Variants in SSUH2 observed in about 807,000 individuals in gnomAD.
The protein encoded by SSUH2 is protein SSUH2 homolog.
A neutral mutation model predicts 55.3 loss-of-function variants in SSUH2; 47 were observed. The ratio of observed to expected loss-of-function variants is 0.85; its 90% CI spans 0.67 to 1.08. The LOEUF (loss-of-function observed/expected upper bound fraction) is 1.08, where lower values mean the gene tolerates loss of function less well. Among genes scored for constraint, SSUH2 ranks in the 50% least tolerant of loss-of-function variants. The pLI, the probability that SSUH2 is intolerant of heterozygous loss-of-function variation, is 0.00. For missense variants in SSUH2, 535 were observed against 490.7 expected (o/e 1.09, Z -0.85); for synonymous variants, 212 against 191.5 (o/e 1.11, Z -0.89).
At chr3:8,677,761 C>A (rs149670180) in intron 2 of SSUH2, among the ~76,000 whole-genome samples, 1,574 of 150,772 alleles carry the variant, frequency 0.01, 82 homozygotes, top group African/African-American at 0.036. Context: ...AATAAGCTGA[C>A]TCTTGGGCAA....
intron 3 of SSUH2, among the ~76,000 whole-genome samples, chr3:8,672,528 G>A (rs1450126472): frequency 1.3e-5 from 2 of 152,008 alleles, no homozygotes; most frequent in Non-Finnish European, 2.9e-5. Flanking sequence ...TACACCCCCT[G>A]CCATATTGGG....
At chr3:8,626,684 G>C (rs1462993030) in intron 8 of SSUH2, among the ~76,000 whole-genome samples, 2 of 152,166 alleles carry the variant, frequency 1.3e-5, no homozygotes, top group Non-Finnish European at 2.9e-5. Context: ...GTCCCAGGAT[G>C]TTTGTCGGGA....
At chr3:8,646,092 T>C (rs1268412826), upstream of SSUH2, among the ~76,000 whole-genome samples, 2 of 152,182 alleles carry the variant, frequency 1.3e-5, no homozygotes, top group Admixed American at 1.3e-4. Context: ...GAAGCAATGA[T>C]TTTAAGCCCT....
chr3:8,636,084 G>A (rs1435772269), intron 1 of SSUH2, among the ~76,000 whole-genome samples: 1 of 152,148 alleles, frequency 6.6e-6, no homozygotes, highest in Admixed American at 6.5e-5. Flanking sequence ...TATTTGCTGG[G>A]TACCTACTCC....
intron 11 of SSUH2, among the ~76,000 whole-genome samples, chr3:8,621,812 A>G (rs1444030868): frequency 1.3e-5 from 2 of 152,234 alleles, no homozygotes; most frequent in Admixed American, 6.5e-5. Context: ...AAAGGGCACA[A>G]GGAGATGGGA....
chr3:8,659,085 G>C (rs1339973686), intron 6 of SSUH2: 1 of 152,052 alleles, frequency 6.6e-6, no homozygotes, highest in African/African-American at 2.4e-5. Context: ...AATCAGCAAG[G>C]GTGAAATTCT....
chr3:8,664,695 C>G (rs1478070308), intron 5 of SSUH2, among the ~76,000 whole-genome samples: 1 of 152,206 alleles, frequency 6.6e-6, no homozygotes, highest in African/African-American at 2.4e-5. Context: ...GCTCCCAGCT[C>G]GGTGCTTTGA....
intron 6 of SSUH2, among the ~76,000 whole-genome samples, chr3:8,663,536 C>T (rs768417632): frequency 9.2e-5 from 12 of 129,902 alleles, no homozygotes; most frequent in Non-Finnish European, 1.6e-4. Context: ...GGTTGGCAGT[C>T]GGGGTCAGGT....
At position 8,623,541 on chromosome 3, in the gene SSUH2, TG is replaced by T; in HGVS notation, c.981+7del. 6.5e-7 allele frequency: 1 copy of T among 1,531,632 alleles called. No individual in the cohort carries two copies. Among genetic ancestry groups the T allele is most frequent in the Non-Finnish European group, 8.9e-7 (1 of 1,129,094 alleles). The allele number at this position is 1,531,632 out of a possible 1,614,324, so 94.9% of individuals were successfully genotyped here. The stretch of plus-strand genomic sequence containing the variant: ...TCAGAGCCAGATGGCCCCTCCGCCC[TG>T]GCTCACCTGCTGCAGGACGCGGGCA... On this transcript the variant is annotated splice_region_variant and intron_variant, in intron 11 of 11. Coordinates refer to ENST00000544814, the MANE Select transcript of SSUH2 (RefSeq NM_001256748.3).
intron 2 of SSUH2, among the ~76,000 whole-genome samples, chr3:8,679,434 C>T (rs1423463937): frequency 7.1e-6 from 1 of 140,528 alleles, no homozygotes; most frequent in African/African-American, 2.5e-5. Flanking sequence ...CTCTTAGGAC[C>T]CCCATCACAG....
chr3:8,636,362 A>T (rs1390619995), intron 1 of SSUH2, among the ~76,000 whole-genome samples: 4 of 152,080 alleles, frequency 2.6e-5, no homozygotes, highest in Non-Finnish European at 4.4e-5. Context: ...AGTTGAGTCC[A>T]GCCTTCCAGC....
intron 9 of SSUH2, among the ~76,000 whole-genome samples, chr3:8,625,989 G>T (rs778671651): frequency 2.0e-5 from 3 of 152,190 alleles, no homozygotes; most frequent in Non-Finnish European, 2.9e-5. Flanking sequence ...GTTGTGGAGC[G>T]GCTGCTGCCC....
intron 1 of SSUH2, among the ~76,000 whole-genome samples, chr3:8,642,989 G>C (rs1447145562): frequency 6.6e-6 from 1 of 152,142 alleles, no homozygotes; most frequent in Non-Finnish European, 1.5e-5. Context: ...AAAGACTCAG[G>C]GTTCCTAGAC....
At chr3:8,673,393 G>A (rs150558205) in intron 3 of SSUH2, among the ~76,000 whole-genome samples, 16 of 152,126 alleles carry the variant, frequency 1.1e-4, no homozygotes, top group African/African-American at 3.6e-4. Context: ...TGCAAAACGG[G>A]GATCCAAATG....
chr3:8,681,886 C>T, intron 1 of SSUH2: 1 of 161,932 alleles, frequency 6.2e-6, no homozygotes, highest in Non-Finnish European at 1.3e-5. Context: ...ATCCTTAGGA[C>T]CCACCTGGAG....
intron 7 of SSUH2, among the ~76,000 whole-genome samples, chr3:8,651,240 G>A (rs1702365762): frequency 6.6e-6 from 1 of 152,216 alleles, no homozygotes; most frequent in Admixed American, 6.5e-5. Context: ...GTTTGCAGAG[G>A]GGTTTCTGTC....
At chr3:8,644,808 C>A (rs1192838794), upstream of SSUH2, 2 of 1,520,540 alleles carry the variant, frequency 1.3e-6, no homozygotes, top group African/African-American at 2.8e-5. Flanking sequence ...TGTGCTTGGA[C>A]CGATGTGCTC....
chr3:8,626,839 T>C (rs1697681201), intron 8 of SSUH2: 1 of 152,738 alleles, frequency 6.5e-6, no homozygotes, highest in South Asian at 2.1e-4. Flanking sequence ...AGATTCCTGG[T>C]GGTGTTGTTT....
At chr3:8,658,164 T>C (rs564648974) in intron 7 of SSUH2, among the ~76,000 whole-genome samples, 50 of 152,348 alleles carry the variant, frequency 3.3e-4, no homozygotes, top group African/African-American at 1.2e-3. Context: ...CATGGAGATA[T>C]TTATTACAGG....
Sources: gnomAD v4.1 joint callset for allele counts (sites outside exome capture counted in the v4.1 genomes callset) on GRCh38, gnomAD v4.1.1 for gene constraint, MANE v1.5 for transcripts, NCBI Gene and HGNC (gene_info 2026-07-23, HGNC 2026-07-21) for gene names.